SCART1: variants seen among roughly 807,000 people sequenced by gnomAD.
SCART1 encodes scavenger receptor cysteine-rich domain-containing protein SCART1.
SCART1 carries 62 observed loss-of-function variants against 36.2 expected under a neutral mutation model. That is an observed-to-expected ratio of 1.71 (90% CI 1.40 to 2.12). The LOEUF (loss-of-function observed/expected upper bound fraction) is 2.12, where lower values mean the gene tolerates loss of function less well. Ranked by LOEUF, SCART1 falls within the 30% of genes most tolerant of loss-of-function variation. SCART1 has a pLI of 0.00. For missense variants in SCART1, 1,041 were observed against 540.5 expected (o/e 1.93, Z -9.18); for synonymous variants, 487 against 238.7 (o/e 2.04, Z -9.59).
chr10:133,458,407 C>A (rs760182749), exon 4 of SCART1: 1 of 701,860 alleles, frequency 1.4e-6, no homozygotes, highest in Non-Finnish European at 2.6e-6. Flanking sequence ...CTGCGCCGGG[C>A]GCCTGGAGGT....
exon 3 of SCART1, chr10:133,457,535 C>T (rs568117793): frequency 2.8e-5 from 20 of 702,156 alleles, no homozygotes; most frequent in South Asian, 1.3e-4. Flanking sequence ...ACTTCCGCAG[C>T]GGCTGCGACC....
exon 12 of SCART1, chr10:133,467,889 G>A (rs754370337): frequency 3.6e-5 from 25 of 700,336 alleles, no homozygotes; most frequent in African/African-American, 1.2e-4. Flanking sequence ...CAGTCTATAC[G>A]TGCGGAGGGA....
At chr10:133,460,496 A>ATATTTTTTTTTTT in intron 6 of SCART1, among the ~76,000 whole-genome samples, 2 of 136,014 alleles carry the variant, frequency 1.5e-5, no homozygotes, top group African/African-American at 2.7e-5. Context: ...ATATTTATAT[A>ATATTTTTTTTTTT]TTTTAAAAAA....
At chr10:133,456,185 C>T in intron 1 of SCART1, 52 bp from the exon 2 acceptor site, 1 of 668,774 alleles carries the variant, frequency 1.5e-6, no homozygotes, top group Non-Finnish European at 2.7e-6. Flanking sequence ...GCCATCTCCT[C>T]CTGCGCCTCT....
At chr10:133,457,680 C>T in intron 3 of SCART1, 105 bp downstream of exon 3, 1 of 589,638 alleles carries the variant, frequency 1.7e-6, no homozygotes, top group Non-Finnish European at 3.0e-6. Context: ...GATGGGCCCC[C>T]CTGTCCTGCA....
intron 4 of SCART1, 114 bp downstream of exon 4, chr10:133,458,770 T>C: frequency 1.5e-6 from 1 of 673,002 alleles, no homozygotes; most frequent in South Asian, 1.6e-5. Flanking sequence ...TGATGTTTGC[T>C]TCTGTTGGTT....
At position 133,464,739 on chromosome 10, in the gene SCART1, GC is replaced by G. The variant is rs1850742441; in HGVS notation, c.2104del (p.Leu702TrpfsTer223). 37 of 693,168 alleles carry G rather than the reference GC, an allele frequency of 5.3e-5. No homozygotes were observed. The East Asian group carries it at 1.0e-3, about 19-fold the overall frequency. 42.9% of individuals were successfully genotyped at this position (693,168 alleles called of 1,614,324 possible). A position where few individuals can be genotyped will look rare whatever the true frequency, so the allele number is the denominator to read the frequency against. ...TCTCCTTGTCCATCATCTGCAAGCAGCTGGGGTGTGGGGTGTGGGGAGTGGG... is the reference window on the plus strand; with the variant it reads ...TCTCCTTGTCCATCATCTGCAAGCAGTGGGGTGTGGGGTGTGGGGAGTGGG... On this transcript the variant is annotated frameshift_variant, in exon 7 of 12. Transcript: ENST00000640237. LOFTEE classifies it high-confidence loss of function.
At chr10:133,461,210 G>A (rs547619184) in intron 6 of SCART1, among the ~76,000 whole-genome samples, 213 of 152,132 alleles carry the variant, frequency 1.4e-3, no homozygotes, top group Non-Finnish European at 2.0e-3. Flanking sequence ...AGTGGGTCAC[G>A]GGCTGCCCAC....
exon 6 of SCART1, chr10:133,460,064 C>G (rs778130154): frequency 6.7e-5 from 34 of 510,354 alleles, no homozygotes; most frequent in Non-Finnish European, 9.6e-5. Flanking sequence ...TCTGGCTGGA[C>G]GAGCTGGGCT....
chr10:133,458,186 T>C (rs1850643072), intron 3 of SCART1, 174 bp from the exon 4 acceptor site: 1 of 699,886 alleles, frequency 1.4e-6, no homozygotes, highest in Non-Finnish European at 2.6e-6. Flanking sequence ...TCTGCTCTGC[T>C]CTGGGTGCCG....
At chr10:133,469,001 G>C (rs575911545) in exon 12 of SCART1, 2 of 152,318 alleles carry the variant, frequency 1.3e-5, no homozygotes, top group East Asian at 3.9e-4. Context: ...CACCAACAGT[G>C]TAAAAGTGTT....
At position 133,465,268 on chromosome 10, in the gene SCART1, G is replaced by C. The variant is rs750822451; in HGVS notation, c.2362G>C (p.Val788Leu). The C allele has an allele frequency of 8.7e-6, 6 of 690,220 alleles. No homozygotes were observed. The South Asian group carries it at 9.0e-5, about 10-fold the overall frequency. 42.8% of individuals were successfully genotyped at this position (690,220 alleles called of 1,614,324 possible). A position where few individuals can be genotyped will look rare whatever the true frequency, so the allele number is the denominator to read the frequency against. Reference sequence around the variant, plus strand: ...TTTTGCAGAGGAGGGCGCACTGCGCGTGCGCGGGGGCGAGGACCGCTGCTC... The same window carrying C: ...TTTTGCAGAGGAGGGCGCACTGCGCCTGCGCGGGGGCGAGGACCGCTGCTC... The change falls in exon 9 of 12, where the codon GTG becomes CTG. Residue 788 changes from valine to leucine, a missense_variant. Physicochemically the swap from Val to Leu is conservative, Grantham distance 32. Transcript: ENST00000640237.
At chr10:133,454,110 G>C (rs1850580222) in intron 1 of SCART1, 46 bp downstream of exon 1, 1 of 702,798 alleles carries the variant, frequency 1.4e-6, no homozygotes, top group South Asian at 1.5e-5. Flanking sequence ...GGAGGCATCA[G>C]CTCTGTTGAT....
At chr10:133,454,024 A>G in exon 1 of SCART1, 1 of 702,812 alleles carries the variant, frequency 1.4e-6, no homozygotes, top group Non-Finnish European at 2.6e-6. Flanking sequence ...GGACCCTGGG[A>G]CTCGGGCCCC....
intron 6 of SCART1, among the ~76,000 whole-genome samples, chr10:133,461,382 G>A (rs1850699935): frequency 6.6e-6 from 1 of 152,224 alleles, no homozygotes; most frequent in Non-Finnish European, 1.5e-5. Flanking sequence ...GCTTATCCAA[G>A]TGTGGGCTCT....
intron 6 of SCART1, among the ~76,000 whole-genome samples, chr10:133,461,285 C>A (rs1044068450): frequency 6.6e-6 from 1 of 151,200 alleles, no homozygotes; most frequent in African/African-American, 2.4e-5. Context: ...CTGAGAGGGT[C>A]ACGGGCTGCC....
chr10:133,467,438 C>T (rs1850774993), intron 11 of SCART1, 85 bp downstream of exon 11: 2 of 623,302 alleles, frequency 3.2e-6, no homozygotes, highest in Non-Finnish European at 5.8e-6. Flanking sequence ...GGACTCTGAC[C>T]ACAGGAGCCT....
At chr10:133,456,151 A>T in intron 1 of SCART1, 86 bp from the exon 2 acceptor site, 1 of 646,692 alleles carries the variant, frequency 1.5e-6, no homozygotes, top group Non-Finnish European at 2.8e-6. Flanking sequence ...GAGGCCTCAC[A>T]GGCCGTTCCC....
rs548364354 is a variant in SCART1, at chr10:133,457,504, G to A, written c.611G>A (p.Arg204His). Reference sequence around the variant, plus strand: ...TGCAGGGGTACCGAGCCCACCATCCGCAGCTGCAGACTGGACAACAACTTC... The same window carrying A: ...TGCAGGGGTACCGAGCCCACCATCCACAGCTGCAGACTGGACAACAACTTC... Residue 204 changes from arginine to histidine, a missense_variant, in exon 3 of 12, where the codon CGC becomes CAC. By Grantham distance (29) the Arg-to-His change is conservative (BLOSUM62 0). Transcript: ENST00000640237. 5.7e-5 allele frequency: 40 copies of A among 702,594 alleles called. 1 individual carries two copies. The highest frequency in any genetic ancestry group is 2.1e-4 in the East Asian group (8 of 37,280). 43.5% of individuals were successfully genotyped at this position (702,594 alleles called of 1,614,324 possible). A position where few individuals can be genotyped will look rare whatever the true frequency, so the allele number is the denominator to read the frequency against.
Sources: allele counts gnomAD v4.1 joint callset (sites outside exome capture counted in the v4.1 genomes callset), GRCh38; gene constraint gnomAD v4.1.1; transcripts MANE v1.5; gene names NCBI Gene and HGNC (gene_info 2026-07-23, HGNC 2026-07-21).